TMEM62: variants seen among roughly 807,000 people sequenced by gnomAD.
The protein encoded by TMEM62 is transmembrane protein 62.
Under a neutral mutation model 70.4 loss-of-function variants are expected in TMEM62, and 41 were observed. That is an observed-to-expected ratio of 0.58 (90% CI 0.45 to 0.76). The LOEUF is 0.76. Ranked by LOEUF, TMEM62 falls within the 30% of genes least tolerant of loss-of-function variation. TMEM62 has a pLI of 0.00. For missense variants in TMEM62, 688 were observed against 788.5 expected, an observed-to-expected ratio of 0.87 and a Z score of 1.53; for synonymous variants, 268 against 291.0, an observed-to-expected ratio of 0.92 and a Z score of 0.80.
chr15:43,154,196 G>A (rs1435045270), intron 8 of TMEM62, among the ~76,000 whole-genome samples: 1 of 152,114 alleles, frequency 6.6e-6, no homozygotes, highest in Non-Finnish European at 1.5e-5. Flanking sequence ...TGGATATCAG[G>A]TTTAGGTGTC....
intron 6 of TMEM62, 47 bp downstream of exon 6, chr15:43,148,926 T>A: frequency 6.2e-7 from 1 of 1,602,868 alleles, no homozygotes. Flanking sequence ...TTAGTTTTTT[T>A]ATTTTGCTGT....
chr15:43,169,571 G>A (rs752838354), intron 10 of TMEM62, 22 bp from the exon 11 acceptor site: 24 of 1,604,234 alleles, frequency 1.5e-5, no homozygotes, highest in South Asian at 4.5e-5. Flanking sequence ...TCTATTTCAC[G>A]TTAACATCTA....
chr15:43,184,261 T>C lies in TMEM62; in HGVS notation c.1607T>C (p.Leu536Pro), dbSNP rs1254466853. Residue 536 changes from leucine (L) to proline (P), a missense_variant and splice_region_variant, in exon 14 of 14, where the codon CTG (leucine) becomes CCG (proline). By Grantham distance (98) the Leu-to-Pro change is moderately conservative. Transcript: ENST00000260403. The stretch of plus-strand genomic sequence containing the variant: ...AGCTATGGTTCTGTTCTTTTCCAGC[T>C]GGCGTTTTTTAACATCCCCTTGATG... ...SITFIIGILQ[L>P]AFFNIPLMAY... The C allele has an allele frequency of 6.8e-6, 11 of 1,610,410 alleles. No homozygotes were observed. The highest frequency in any genetic ancestry group is 9.3e-6 in the Non-Finnish European group (11 of 1,178,022).
chr15:43,175,856 T>C (rs1314786876), intron 11 of TMEM62, among the ~76,000 whole-genome samples: 1 of 152,162 alleles, frequency 6.6e-6, no homozygotes, highest in Non-Finnish European at 1.5e-5. Context: ...CAGCGCACCG[T>C]GCGTGAGCCG....
intron 5 of TMEM62, 33 bp downstream of exon 5, chr15:43,146,667 T>C (rs1382612554): frequency 6.4e-7 from 1 of 1,568,172 alleles, no homozygotes; most frequent in East Asian, 2.2e-5. Flanking sequence ...CTTTGTAGCT[T>C]ACTTATTTTT....
chr15:43,146,841 G>T (rs2036732113), intron 5 of TMEM62, among the ~76,000 whole-genome samples: 1 of 152,166 alleles, frequency 6.6e-6, no homozygotes, highest in Non-Finnish European at 1.5e-5. Flanking sequence ...TGAGAAAGAA[G>T]TACCTCACAC....
At chr15:43,138,326 T>A (rs1017128798) in intron 3 of TMEM62, among the ~76,000 whole-genome samples, 1 of 152,058 alleles carries the variant, frequency 6.6e-6, no homozygotes, top group Admixed American at 6.6e-5. Flanking sequence ...ACCCTTTCCT[T>A]AGGCTAAGCA....
chr15:43,144,976 A>T (rs2036475829), intron 4 of TMEM62, among the ~76,000 whole-genome samples: 1 of 151,758 alleles, frequency 6.6e-6, no homozygotes, highest in African/African-American at 2.4e-5. Flanking sequence ...CAGAAATACC[A>T]ATCTGAAGAA....
Position 43,181,277 on chromosome 15 carries a change from C to G in TMEM62, c.1583C>G (p.Thr528Arg). 1.2e-6 allele frequency: 2 copies of G among 1,611,680 alleles called. No homozygotes were observed. Among genetic ancestry groups the G allele is most frequent in the African/African-American group, 1.3e-5 (1 of 74,972 alleles). Residue 528 changes from threonine to arginine, a missense_variant, in exon 13 of 14, where the codon ACA becomes AGA. Physicochemically the swap from Thr to Arg is moderately conservative, Grantham distance 71. Transcript: ENST00000260403. The stretch of plus-strand genomic sequence containing the variant: ...GGACATTTCCTACAAGGCAGCATAA[C>G]ATTTATAATTGGAATTCTCCAGGTA... ...VNGHFLQGSITFIIGILQLAF... is the reference protein window; with the variant it reads ...VNGHFLQGSIRFIIGILQLAF...
intron 5 of TMEM62, 105 bp downstream of exon 5, chr15:43,146,739 C>A: frequency 2.8e-6 from 3 of 1,058,722 alleles, no homozygotes; most frequent in South Asian, 1.9e-5. Flanking sequence ...TCTAGGAATG[C>A]TTTGGAGAAA....
chr15:43,134,451 G>C (rs1389217733), intron 2 of TMEM62, 83 bp downstream of exon 2: 7 of 1,120,340 alleles, frequency 6.2e-6, no homozygotes, highest in Middle Eastern at 2.6e-4. Context: ...TTCATTTTGG[G>C]GACGTTGGGA....
chr15:43,141,366 T>A (rs988013050), intron 4 of TMEM62, among the ~76,000 whole-genome samples: 4 of 152,212 alleles, frequency 2.6e-5, no homozygotes, highest in Non-Finnish European at 5.9e-5. Flanking sequence ...CTGTGTTCTA[T>A]ATATGGAACA....
At chr15:43,150,662 C>T (rs2037252938) in intron 7 of TMEM62, among the ~76,000 whole-genome samples, 1 of 152,186 alleles carries the variant, frequency 6.6e-6, no homozygotes, top group Non-Finnish European at 1.5e-5. Flanking sequence ...CAACTCTTAT[C>T]CATGGGATGA....
chr15:43,146,462 C>T, intron 4 of TMEM62, 31 bp from the exon 5 acceptor site: 1 of 1,587,722 alleles, frequency 6.3e-7, no homozygotes, highest in Non-Finnish European at 8.6e-7. Flanking sequence ...CTTTTTATTA[C>T]ACTAACACCC....
At chr15:43,155,115 G>A (rs748162377) in intron 9 of TMEM62, among the ~76,000 whole-genome samples, 6 of 152,190 alleles carry the variant, frequency 3.9e-5, no homozygotes, top group Non-Finnish European at 8.8e-5. Context: ...TGTAGTCCCA[G>A]CTACTCAGGA....
Position 43,133,934 on chromosome 15 carries a change from G to A in TMEM62, c.132G>A (p.Pro44=), listed in dbSNP as rs1464646292. 2.0e-6 allele frequency: 3 copies of A among 1,478,164 alleles called. No homozygotes were observed. Among genetic ancestry groups the A allele is most frequent in the South Asian group, 2.6e-5 (2 of 76,608 alleles). 91.6% of individuals were successfully genotyped at this position (1,478,164 alleles called of 1,614,324 possible). The part of the protein sequence containing the change: ...PLPRPAPPRR[P]HPAPGPGDSN... ...CGCGCCCCGCGCCCCCCAGGAGGCCGCACCCTGCGCCAGGGCCCGGAGACA... is the reference window on the plus strand; with the variant it reads ...CGCGCCCCGCGCCCCCCAGGAGGCCACACCCTGCGCCAGGGCCCGGAGACA... Residue 44 remains proline, a synonymous_variant, in exon 1 of 14, where the codon CCG becomes CCA. Transcript: ENST00000260403.
At chr15:43,134,006 G>A (rs2034799880) in intron 1 of TMEM62, 24 bp downstream of exon 1, 1 of 1,435,256 alleles carries the variant, frequency 7.0e-7, no homozygotes, top group Non-Finnish European at 9.1e-7. Flanking sequence ...AAGCCGGGCC[G>A]GGAGGCAGGT....
At chr15:43,169,128 T>C (rs765047667) in intron 10 of TMEM62, 22 of 155,544 alleles carry the variant, frequency 1.4e-4, no homozygotes, top group Non-Finnish European at 2.7e-4. Context: ...TTAGTGCCTC[T>C]TTCCTTGATA....
chr15:43,164,271 C>T (rs563163648), intron 10 of TMEM62, among the ~76,000 whole-genome samples: 33 of 152,106 alleles, frequency 2.2e-4, no homozygotes, highest in African/African-American at 7.7e-4. Flanking sequence ...TTAAAGAGTC[C>T]ATCTCTTAAA....
Sources: allele counts gnomAD v4.1 joint callset (sites outside exome capture counted in the v4.1 genomes callset), GRCh38; gene constraint gnomAD v4.1.1; transcripts MANE v1.5; gene names NCBI Gene and HGNC (gene_info 2026-07-23, HGNC 2026-07-21).